ZNF454: variants seen among roughly 807,000 people sequenced by gnomAD.
ZNF454 encodes the protein zinc finger protein 454.
Under a neutral mutation model 48.2 loss-of-function variants are expected in ZNF454, and 30 were observed. The ratio of observed to expected loss-of-function variants is 0.62; its 90% CI spans 0.47 to 0.84. ZNF454 has a LOEUF of 0.84. ZNF454 is among the 40% of genes least tolerant of loss of function. The pLI is 0.00. For synonymous variants in ZNF454, 204 were observed against 211.4 expected, an observed-to-expected ratio of 0.97 and a Z score of 0.30; for missense variants, 510 against 623.1, an observed-to-expected ratio of 0.82 and a Z score of 1.93.
the ZNF454 span, chr5:178,989,088 C>A: frequency 1.9e-6 from 3 of 1,614,102 alleles, no homozygotes; most frequent in Non-Finnish European, 2.5e-6. Context: ...ACAAACTGCA[C>A]CTTGCCCTCC....
At chr5:178,985,379 G>T in the ZNF454 span, 2 of 389,392 alleles carry the variant, frequency 5.1e-6, no homozygotes, top group Non-Finnish European at 1.0e-5. Context: ...TCACAGGAGG[G>T]GAGGGGCTCC....
the ZNF454 span, chr5:178,989,277 G>A: frequency 8.1e-6 from 13 of 1,600,346 alleles, no homozygotes; most frequent in Admixed American, 7.0e-5. Flanking sequence ...GTGCATTTGC[G>A]GGTGGAATCG....
chr5:178,965,186 A>G lies in ZNF454; in HGVS notation c.782A>G (p.Tyr261Cys), dbSNP rs1398064144. Residue 261 changes from tyrosine (Y) to cysteine (C), a missense_variant, in exon 5 of 5, where the codon TAC becomes TGC. Tyr to Cys is a radical substitution (Grantham distance 194, BLOSUM62 -2). Coordinates refer to ENST00000519564, the MANE Select transcript of ZNF454 (RefSeq NM_001178089.3). This position sits in a 1 kb window ranked among gnomAD's most constrained non-coding sequence, Gnocchi z 5.2. ...KAFSVSSSLT[Y>C]HQKIHTGEKP... ...TTCTCAGTGAGCTCCTCACTTACGT[A>G]CCATCAGAAAATTCATACTGGAGAG... is the stretch of plus-strand genomic sequence containing the variant. 18 of 1,614,090 alleles carry G rather than the reference A, an allele frequency of 1.1e-5. No individual in the cohort carries two copies. The highest frequency in any genetic ancestry group is 1.5e-5 in the Non-Finnish European group (18 of 1,180,050).
downstream of ZNF454, among the ~76,000 whole-genome samples, chr5:178,971,279 G>T (rs1047226068): frequency 1.3e-5 from 2 of 152,186 alleles, no homozygotes; most frequent in Non-Finnish European, 2.9e-5. Context: ...TCGGCGGGGA[G>T]TAGGGGGAAG....
At chr5:178,963,219 A>T (rs1050345954) in intron 4 of ZNF454, among the ~76,000 whole-genome samples, 3 of 151,676 alleles carry the variant, frequency 2.0e-5, no homozygotes, top group Non-Finnish European at 4.4e-5. Flanking sequence ...AACTTTTTCC[A>T]ATTCAGATTT....
At chr5:178,969,841 C>A, downstream of ZNF454, 1 of 342,310 alleles carries the variant, frequency 2.9e-6, no homozygotes, top group Non-Finnish European at 5.8e-6. Flanking sequence ...CTTCTGGGAA[C>A]AGCCACTGAA....
chr5:178,981,796 AG>A, the ZNF454 span: 2 of 1,612,420 alleles, frequency 1.2e-6, no homozygotes, highest in Non-Finnish European at 1.7e-6. The surrounding 1 kb of genome is among the most constrained non-coding windows in gnomAD (Gnocchi z 5.1). Context: ...GAGCATGCCG[AG>A]GGACACCGAG....
chr5:178,969,017 A>G, downstream of ZNF454: 1 of 378,502 alleles, frequency 2.6e-6, no homozygotes, highest in South Asian at 1.9e-5. Flanking sequence ...ATGCCTGTTC[A>G]CTCATCCCTG....
the ZNF454 span, among the ~76,000 whole-genome samples, chr5:178,982,470 G>T: frequency 1.3e-5 from 2 of 151,102 alleles, no homozygotes; most frequent in Non-Finnish European, 2.9e-5. Context: ...CCCAGCTACG[G>T]GGGAGGCTGA....
chr5:178,976,380 T>C, the ZNF454 span, among the ~76,000 whole-genome samples: 12 of 152,196 alleles, frequency 7.9e-5, no homozygotes, highest in African/African-American at 1.9e-4. Flanking sequence ...GTCTATTTTG[T>C]CTGCTGATGT....
chr5:178,981,649 C>T, the ZNF454 span: 1 of 1,609,946 alleles, frequency 6.2e-7, no homozygotes. This position sits in a 1 kb window ranked among gnomAD's most constrained non-coding sequence, Gnocchi z 5.1. Flanking sequence ...CCGTTCCCAC[C>T]TGCCCTGCTA....
chr5:178,953,080 G>T (rs1365357166), intron 4 of ZNF454, among the ~76,000 whole-genome samples: 3 of 152,014 alleles, frequency 2.0e-5, no homozygotes, highest in African/African-American at 4.8e-5. Flanking sequence ...TGATATATTT[G>T]CTTCCATTTC....
chr5:178,954,354 T>A (rs1335880415), intron 4 of ZNF454, among the ~76,000 whole-genome samples: 1 of 152,220 alleles, frequency 6.6e-6, no homozygotes, highest in Admixed American at 6.5e-5. Context: ...TCTCTATTAT[T>A]GTTTGATTTC....
the ZNF454 span, chr5:178,985,406 A>T: frequency 2.3e-5 from 4 of 170,622 alleles, no homozygotes; most frequent in African/African-American, 3.4e-5. Context: ...TGTGGCCTTA[A>T]AAAAAAAAAA....
chr5:178,987,128 G>A, the ZNF454 span: 1 of 822,838 alleles, frequency 1.2e-6, no homozygotes, highest in Non-Finnish European at 2.0e-6. Flanking sequence ...GCCGCAGGGA[G>A]ATCCCCCTTC....
intron 2 of ZNF454, 100 bp downstream of exon 2, chr5:178,942,924 C>A (rs574045316): frequency 1.5e-6 from 2 of 1,368,606 alleles, no homozygotes; most frequent in East Asian, 4.8e-5. Flanking sequence ...TCCAGTCCCA[C>A]CCAGACACTG....
At chr5:178,969,874 A>G (rs11739705), downstream of ZNF454, among the ~76,000 whole-genome samples, 33,785 of 152,076 alleles carry the variant, frequency 0.22, 4,223 homozygotes, top group Non-Finnish European at 0.28. Context: ...TTACCGAAAA[A>G]AAACAGTTGC....
the ZNF454 span, chr5:178,986,460 C>A: frequency 6.2e-7 from 1 of 1,612,626 alleles, no homozygotes; most frequent in Non-Finnish European, 8.5e-7. Flanking sequence ...TGGTAGTGGC[C>A]ACGATGCCCA....
At chr5:178,961,855 T>C (rs1760023356) in intron 4 of ZNF454, among the ~76,000 whole-genome samples, 1 of 151,622 alleles carries the variant, frequency 6.6e-6, no homozygotes, top group Non-Finnish European at 1.5e-5. Context: ...TTCTTCCTTC[T>C]ACCTTTATTT....
Sources: allele counts gnomAD v4.1 joint callset (sites outside exome capture counted in the v4.1 genomes callset), GRCh38; gene constraint gnomAD v4.1.1; non-coding constraint Gnocchi (gnomAD v3.1); transcripts MANE v1.5; gene names NCBI Gene and HGNC (gene_info 2026-07-23, HGNC 2026-07-21).